SIL1: variants seen among roughly 807,000 people sequenced by gnomAD.
The protein encoded by SIL1 is nucleotide exchange factor SIL1.
A neutral mutation model predicts 49.1 loss-of-function variants in SIL1; 40 were observed. The ratio of observed to expected loss-of-function variants is 0.81; its 90% CI spans 0.63 to 1.06. The LOEUF is 1.06. Among genes scored for constraint, SIL1 ranks in the 50% least tolerant of loss-of-function variants. The pLI is 0.00. For synonymous variants in SIL1, 253 were observed against 250.8 expected (o/e 1.01, Z -0.08); for missense variants, 500 against 572.6 (o/e 0.87, Z 1.29).
chr5:138,963,404 G>A (rs186893570), intron 7 of SIL1, among the ~76,000 whole-genome samples: 5 of 152,298 alleles, frequency 3.3e-5, no homozygotes. Context: ...ATCAGAGCCA[G>A]TGGAATCACG....
chr5:139,075,621 G>A (rs1769931633), intron 3 of SIL1, among the ~76,000 whole-genome samples: 2 of 152,294 alleles, frequency 1.3e-5, no homozygotes, highest in South Asian at 4.1e-4. Context: ...ACAATCATAA[G>A]GTAATGCTAC....
intron 3 of SIL1, among the ~76,000 whole-genome samples, chr5:139,077,640 C>T (rs566564377): frequency 1.6e-4 from 25 of 152,312 alleles, no homozygotes; most frequent in African/African-American, 6.0e-4. Context: ...TTCCCAAAAG[C>T]CTCCTCTTTG....
At chr5:139,109,495 G>A (rs751115883) in intron 3 of SIL1, among the ~76,000 whole-genome samples, 2 of 151,930 alleles carry the variant, frequency 1.3e-5, no homozygotes, top group Non-Finnish European at 1.5e-5. Flanking sequence ...CCATGTAGAC[G>A]TCAAATAAAA....
chr5:139,060,376 T>A (rs550671914), intron 3 of SIL1, among the ~76,000 whole-genome samples: 1 of 152,300 alleles, frequency 6.6e-6, no homozygotes, highest in South Asian at 2.1e-4. Context: ...GTGCCCAATA[T>A]AAATAACAGT....
intron 3 of SIL1, among the ~76,000 whole-genome samples, chr5:139,112,710 TGCGGGAGGTGGGGGG>T (rs1770893467): frequency 6.7e-6 from 1 of 149,128 alleles, no homozygotes; most frequent in African/African-American, 2.5e-5. Flanking sequence ...CGCCGCCCCG[TGCGGGAGGTGGGGGG>T]CGCCTCTGCC....
intron 5 of SIL1, among the ~76,000 whole-genome samples, chr5:139,038,764 G>A (rs936966219): frequency 6.6e-6 from 1 of 152,186 alleles, no homozygotes; most frequent in African/African-American, 2.4e-5. Flanking sequence ...CTGTTTCACT[G>A]CTGCTGGCCT....
chr5:138,977,035 C>T (rs1221916185), intron 7 of SIL1, among the ~76,000 whole-genome samples: 1 of 152,178 alleles, frequency 6.6e-6, no homozygotes, highest in Non-Finnish European at 1.5e-5. Context: ...GTTGCTTGAC[C>T]CTCCAGATTG....
intron 7 of SIL1, chr5:139,017,024 G>C (rs1425679490): frequency 1.3e-5 from 2 of 152,154 alleles, no homozygotes; most frequent in Non-Finnish European, 2.9e-5. Context: ...GCTAATTTTT[G>C]TATTTTTTGT....
At chr5:139,086,699 T>G (rs1259626750) in intron 3 of SIL1, among the ~76,000 whole-genome samples, 1 of 151,094 alleles carries the variant, frequency 6.6e-6, no homozygotes, top group African/African-American at 2.4e-5. Flanking sequence ...GCATGGTGGC[T>G]CATGCCTGTA....
Position 139,121,105 on chromosome 5 carries a change from G to A in SIL1, c.174C>T (p.Ala58=), listed in dbSNP as rs538109878. ...TKETERKETK[A]EEELDAEVLE... ...GGACTTCGGCATCCAGCTCCTCCTC[G>A]GCTTTGGTTTCTTTTCTCTCTGTTT... The change falls in exon 3 of 10, where the codon GCC becomes GCT. Residue 58 remains alanine (A), a synonymous_variant. Transcript: ENST00000394817. 12 of 1,614,142 alleles carry A rather than the reference G, an allele frequency of 7.4e-6. No homozygotes were observed. Among genetic ancestry groups the A allele is most frequent in the Admixed American group, 3.3e-5 (2 of 60,012 alleles).
intron 1 of SIL1, among the ~76,000 whole-genome samples, chr5:139,176,205 T>A (rs1751879904): frequency 6.6e-6 from 1 of 152,124 alleles, no homozygotes; most frequent in Admixed American, 6.5e-5. Context: ...CAGTTTCCAA[T>A]AACATGTTCC....
chr5:139,056,095 C>CG (rs1312693922), intron 3 of SIL1, among the ~76,000 whole-genome samples: 5 of 151,628 alleles, frequency 3.3e-5, no homozygotes. Flanking sequence ...GCCGCCACCC[C>CG]GTCTGGGAAG....
intron 7 of SIL1, among the ~76,000 whole-genome samples, chr5:139,000,789 C>T (rs1039182244): frequency 3.4e-4 from 51 of 151,996 alleles, no homozygotes; most frequent in African/African-American, 1.1e-3. Context: ...TGTGAAATGA[C>T]CCGCTACACA....
chr5:138,962,304 A>AT (rs76466712), intron 7 of SIL1, among the ~76,000 whole-genome samples: 468 of 142,968 alleles, frequency 3.3e-3, no homozygotes, highest in Middle Eastern at 3.7e-3. Flanking sequence ...GACTTTTTCC[A>AT]TTTTTTTTTT....
chr5:138,947,285 G>T lies in SIL1; in HGVS notation c.1218C>A (p.Thr406=), dbSNP rs1320201776. The T allele has an allele frequency of 1.2e-6, 2 of 1,613,394 alleles. No individual in the cohort carries two copies. The highest frequency in any genetic ancestry group is 1.7e-6 in the Non-Finnish European group (2 of 1,180,030). Residue 406 remains threonine (T), a synonymous_variant, in exon 10 of 10, where the codon ACC becomes ACA. Coordinates refer to ENST00000394817, the MANE Select transcript of SIL1 (RefSeq NM_022464.5). The surrounding 1 kb of genome is among the most constrained non-coding windows in gnomAD (Gnocchi z 4.1). ...KVLQTLGVLL[T]TCRDRYRQDP... ...CCTGACGGTAGCGGTCCCGGCAGGT[G>T]GTCAGGAGGACGCCCAGTGTCTGCA...
intron 3 of SIL1, among the ~76,000 whole-genome samples, chr5:139,119,544 C>G (rs941517359): frequency 6.6e-6 from 1 of 152,060 alleles, no homozygotes; most frequent in Non-Finnish European, 1.5e-5. Context: ...GTGGATTGCT[C>G]GAGCCCAGGA....
chr5:138,977,540 A>G (rs1767420741), intron 7 of SIL1, among the ~76,000 whole-genome samples: 1 of 151,982 alleles, frequency 6.6e-6, no homozygotes, highest in African/African-American at 2.4e-5. Flanking sequence ...CAGTGGTGCA[A>G]TCATAGCTCA....
At position 139,113,252 on chromosome 5, in the gene SIL1, T is replaced by A. The variant is rs150623856; in HGVS notation, c.244+7783A>T. On this transcript the variant is annotated intron_variant, in intron 3 of 9. Coordinates refer to ENST00000394817, the MANE Select transcript of SIL1 (RefSeq NM_022464.5). ...TCCCTCCACTATTGTCCTATGACCC[T>A]GCCAAATCCCCCTCTGCGAGAAACA... Among the ~76,000 whole-genome samples the A allele has an allele frequency of 5.7e-3, 865 of 151,926 alleles. 3 individuals are homozygous for A. The highest frequency in any genetic ancestry group is 0.02 in the African/African-American group (826 of 41,398).
intron 1 of SIL1, among the ~76,000 whole-genome samples, chr5:139,134,853 T>C (rs1260242091): frequency 6.6e-6 from 1 of 152,204 alleles, no homozygotes. Flanking sequence ...CATTCATTAC[T>C]ATTTATGGGC....
Sources: allele counts gnomAD v4.1 joint callset (sites outside exome capture counted in the v4.1 genomes callset), GRCh38; gene constraint gnomAD v4.1.1; non-coding constraint Gnocchi (gnomAD v3.1); transcripts MANE v1.5; gene names NCBI Gene and HGNC (gene_info 2026-07-23, HGNC 2026-07-21).